The following GUCY2F variants were observed in gnomAD, a reference collection of about 807,000 sequenced individuals.
The protein encoded by GUCY2F is retinal guanylyl cyclase 2.
Under a neutral mutation model 73.1 loss-of-function variants are expected in GUCY2F, and 61 were observed. The ratio of observed to expected loss-of-function variants is 0.83; its 90% CI spans 0.68 to 1.03. The LOEUF (loss-of-function observed/expected upper bound fraction) is 1.03. Among genes scored for constraint, GUCY2F ranks in the 50% least tolerant of loss-of-function variants. The pLI is 0.00. For missense variants in GUCY2F, 912 were observed against 854.3 expected (o/e 1.07, Z -0.84); for synonymous variants, 331 against 307.8 (o/e 1.08, Z -0.79).
rs141622644 is a variant in GUCY2F at position 109,465,755 on chromosome X, G to A, written c.731-312C>T. Among the ~76,000 whole-genome samples, 95 of 111,896 alleles carry A rather than the reference G, an allele frequency of 8.5e-4. 1 individual carries two copies. The East Asian group carries it at 8.7e-3, about 10-fold the overall frequency. On this transcript the variant is annotated intron_variant, in intron 2 of 19. Coordinates refer to ENST00000218006, the MANE Select transcript of GUCY2F (RefSeq NM_001522.3). ...GGGTTGGAAAAATCAGCTTTACATCGTAACACCACCAGTTTTAACTGTGTA... is the reference window on the plus strand; with the variant it reads ...GGGTTGGAAAAATCAGCTTTACATCATAACACCACCAGTTTTAACTGTGTA...
At chrX:109,404,238 A>G (rs1161874865) in intron 10 of GUCY2F, 90 bp downstream of exon 10, 1 of 677,716 alleles carries the variant, frequency 1.5e-6, no homozygotes, top group Non-Finnish European at 2.2e-6. Flanking sequence ...GGAGAGTTGA[A>G]ATCAGCCTGA....
chrX:109,447,949 G>A, intron 6 of GUCY2F, 120 bp downstream of exon 6: 1 of 338,707 alleles, frequency 3.0e-6, no homozygotes, highest in South Asian at 1.2e-4. Flanking sequence ...AACCCACTGA[G>A]TACTTTACTC....
At chrX:109,376,231 C>G (rs1319442422) in intron 17 of GUCY2F, 64 bp from the exon 18 acceptor site, 4 of 832,772 alleles carry the variant, frequency 4.8e-6, no homozygotes, top group Non-Finnish European at 7.1e-6. Context: ...AGAATATAAG[C>G]ATTCAGGTTG....
At chrX:109,441,209 G>A (rs996732494) in intron 7 of GUCY2F, 142 bp downstream of exon 7, 10 of 354,340 alleles carry the variant, frequency 2.8e-5, no homozygotes, top group South Asian at 9.9e-5. Flanking sequence ...TCAACCAAAC[G>A]AGTCCATAAG....
chrX:109,446,702 G>A, intron 6 of GUCY2F, among the ~76,000 whole-genome samples: 1 of 111,815 alleles, frequency 8.9e-6, no homozygotes, highest in South Asian at 3.8e-4. Context: ...TACCATTCAG[G>A]ACATAGGCAT....
intron 1 of GUCY2F, among the ~76,000 whole-genome samples, chrX:109,479,766 C>T (rs1932753274): frequency 9.0e-6 from 1 of 111,145 alleles, no homozygotes; most frequent in Non-Finnish European, 1.9e-5. Flanking sequence ...CCCCACTCCC[C>T]GACAATGCTG....
intron 3 of GUCY2F, among the ~76,000 whole-genome samples, chrX:109,460,063 G>A (rs945748102): frequency 9.0e-6 from 1 of 111,297 alleles, no homozygotes; most frequent in Non-Finnish European, 1.9e-5. Context: ...ACACAAAGAT[G>A]AGAAACTCTC....
At chrX:109,398,189 T>C (rs2147256330) in intron 11 of GUCY2F, among the ~76,000 whole-genome samples, 1 of 110,586 alleles carries the variant, frequency 9.0e-6, no homozygotes, top group East Asian at 2.9e-4. Flanking sequence ...AGGGAAACAG[T>C]GGTAAGGCCT....
intron 6 of GUCY2F, among the ~76,000 whole-genome samples, chrX:109,443,612 G>C (rs1439615949): frequency 9.0e-6 from 1 of 111,622 alleles, no homozygotes; most frequent in Non-Finnish European, 1.9e-5. Context: ...TTATGTCCCA[G>C]TATAAAAAAG....
intron 2 of GUCY2F, among the ~76,000 whole-genome samples, chrX:109,471,371 T>G (rs1932570372): frequency 8.9e-6 from 1 of 112,442 alleles, no homozygotes; most frequent in Admixed American, 9.4e-5. Context: ...GAGCTGCAGG[T>G]AGGGCCTCCT....
intron 8 of GUCY2F, among the ~76,000 whole-genome samples, chrX:109,427,707 A>G (rs1346983751): frequency 8.9e-6 from 1 of 112,407 alleles, no homozygotes; most frequent in Non-Finnish European, 1.9e-5. Flanking sequence ...ATTAAAGCAC[A>G]TCTACATGGT....
At chrX:109,414,538 C>T (rs1931194773) in intron 8 of GUCY2F, among the ~76,000 whole-genome samples, 1 of 111,216 alleles carries the variant, frequency 9.0e-6, no homozygotes. Flanking sequence ...TTTGCCAGTC[C>T]CTGAGAGACA....
intron 14 of GUCY2F, among the ~76,000 whole-genome samples, 196 bp from the exon 15 acceptor site, chrX:109,388,859 C>T (rs1393847354): frequency 9.0e-6 from 1 of 111,295 alleles, no homozygotes; most frequent in Admixed American, 9.5e-5. Context: ...GAAGTCTAGG[C>T]CCCACACCAA....
At position 109,420,052 on chromosome X, in the gene GUCY2F, T is replaced by C. The variant is rs565606790; in HGVS notation, c.1791+10255A>G. On this transcript the variant is annotated intron_variant, in intron 8 of 19. Coordinates refer to ENST00000218006, the MANE Select transcript of GUCY2F (RefSeq NM_001522.3). Reference sequence around the variant, plus strand: ...GTTAATTTTTCACCAAGTTACAACATTAATTCAATGGAAAGCTTTTTAAAA... The same window carrying C: ...GTTAATTTTTCACCAAGTTACAACACTAATTCAATGGAAAGCTTTTTAAAA... Among the ~76,000 whole-genome samples the C allele has an allele frequency of 5.6e-4, 61 of 109,042 alleles. 1 individual carries two copies. In the South Asian group the frequency reaches 0.023, roughly 41 times the overall value. The allele number at this position is 109,042 out of a possible 115,157, so 94.7% of individuals were successfully genotyped here.
chrX:109,376,216 C>A (rs1159731414), intron 17 of GUCY2F, 49 bp from the exon 18 acceptor site: 1 of 932,912 alleles, frequency 1.1e-6, no homozygotes, highest in African/African-American at 1.9e-5. Flanking sequence ...AATCAATTTT[C>A]CAAAAGAATA....
chrX:109,413,360 T>C (rs1014679704), intron 8 of GUCY2F, among the ~76,000 whole-genome samples: 1 of 111,922 alleles, frequency 8.9e-6, no homozygotes, highest in Non-Finnish European at 1.9e-5. Flanking sequence ...AAGAGTTGAA[T>C]GTGTCCTGTC....
intron 6 of GUCY2F, among the ~76,000 whole-genome samples, chrX:109,444,918 G>T (rs1000814027): frequency 9.0e-6 from 1 of 111,085 alleles, no homozygotes; most frequent in African/African-American, 3.3e-5. Context: ...TGAAACAAAG[G>T]TGGTTACCAG....
At position 109,448,235 on chromosome X, in the gene GUCY2F, C is replaced by T. The variant is rs778257825; in HGVS notation, c.1473-70G>A. On this transcript the variant is annotated intron_variant, in intron 5 of 19. Transcript: ENST00000218006. ...TTGGCAAAGCCAGGGTTAATTTGCC[C>T]TAAGATAGCACTTAAAGAATATACA... 8 of 550,098 alleles carry T rather than the reference C, an allele frequency of 1.5e-5. No homozygotes were observed. The African/African-American group carries it at 1.6e-4, about 11-fold the overall frequency. The allele number at this position is 550,098 out of a possible 1,213,427, so 45.3% of individuals were successfully genotyped here. A position where few individuals can be genotyped will look rare whatever the true frequency, so the allele number is the denominator to read the frequency against.
At chrX:109,408,821 ATC>A (rs1176983170) in intron 9 of GUCY2F, among the ~76,000 whole-genome samples, 169 bp downstream of exon 9, 1 of 111,984 alleles carries the variant, frequency 8.9e-6, no homozygotes, top group Non-Finnish European at 1.9e-5. Context: ...CCAATTAAAC[ATC>A]TCTTTCTTCC....
Sources: gnomAD v4.1 joint callset for allele counts (sites outside exome capture counted in the v4.1 genomes callset) on GRCh38, gnomAD v4.1.1 for gene constraint, MANE v1.5 for transcripts, NCBI Gene and HGNC (gene_info 2026-07-23, HGNC 2026-07-21) for gene names.